The following GNPTAB variants were observed in gnomAD, a reference collection of about 807,000 sequenced individuals.
GNPTAB encodes N-acetylglucosamine-1-phosphotransferase subunits alpha/beta.
In GNPTAB, 92 loss-of-function variants were observed where a neutral mutation model predicts 136.6. The ratio of observed to expected loss-of-function variants is 0.67; its 90% confidence interval spans 0.57 to 0.80. The LOEUF (loss-of-function observed/expected upper bound fraction) is 0.80, where lower values mean the gene tolerates loss of function less well. Ranked by LOEUF, GNPTAB falls within the 30% of genes least tolerant of loss-of-function variation. GNPTAB has a pLI of 0.00. For synonymous variants in GNPTAB, 512 were observed against 535.1 expected, an observed-to-expected ratio of 0.96 and a Z score of 0.60; for missense variants, 1,343 against 1,501.8, an observed-to-expected ratio of 0.89 and a Z score of 1.75.
chr12:101,788,495 A>G (rs1868796959), intron 4 of GNPTAB, 53 bp downstream of exon 4: 1 of 1,028,278 alleles, frequency 9.7e-7, no homozygotes, highest in Non-Finnish European at 1.5e-6. Context: ...ATAATCTGAA[A>G]TTTCACTTCA....
intron 1 of GNPTAB, among the ~76,000 whole-genome samples, chr12:101,819,140 T>C (rs1481897769): frequency 6.6e-6 from 1 of 152,042 alleles, no homozygotes; most frequent in Non-Finnish European, 1.5e-5. Flanking sequence ...GCCTCCCAAG[T>C]ATCTGGGATT....
chr12:101,828,389 G>A lies in GNPTAB; in HGVS notation c.117+2170C>T, dbSNP rs114161689. On this transcript the variant is annotated intron_variant, in intron 1 of 20. Coordinates refer to ENST00000299314, the MANE Select transcript of GNPTAB (RefSeq NM_024312.5). ...GTGCTCAAGAGCACAGCTTAGGCTG[G>A]TCGTGGTGGCTCACGCCTGTAATCC... is the stretch of plus-strand genomic sequence containing the variant. Among the ~76,000 whole-genome samples, 284 of 152,340 alleles carry A rather than the reference G, an allele frequency of 1.9e-3. 2 individuals carry two copies. Among genetic ancestry groups the A allele is most frequent in the African/African-American group, 6.5e-3 (272 of 41,572 alleles).
intron 1 of GNPTAB, among the ~76,000 whole-genome samples, chr12:101,821,149 C>T (rs952575176): frequency 1.5e-4 from 23 of 151,934 alleles, no homozygotes; most frequent in African/African-American, 4.8e-4. Context: ...CACAACGATG[C>T]TCTATTTCTT....
chr12:101,795,728 G>C (rs1174568463), intron 2 of GNPTAB: 7 of 151,580 alleles, frequency 4.6e-5, no homozygotes, highest in Non-Finnish European at 1.0e-4. Flanking sequence ...GCTCCAGCCT[G>C]GGCAAGAGTG....
chr12:101,816,012 G>A lies in GNPTAB; in HGVS notation c.117+14547C>T, dbSNP rs552777785. 5.9e-5 allele frequency among the ~76,000 whole-genome samples: 9 copies of A among 152,246 alleles called. No individual in the cohort carries two copies. In the South Asian group the frequency reaches 1.2e-3, roughly 21 times the overall value. The stretch of plus-strand genomic sequence containing the variant: ...TTTCCATATGCAGAAGAATGAAACT[G>A]GACCCCTACCTCTCACCACATACAA... On this transcript the variant is annotated intron_variant, in intron 1 of 20. Coordinates refer to ENST00000299314, the MANE Select transcript of GNPTAB (RefSeq NM_024312.5).
intron 1 of GNPTAB, among the ~76,000 whole-genome samples, chr12:101,811,971 G>A (rs1028152740): frequency 6.6e-6 from 1 of 150,912 alleles, no homozygotes; most frequent in Non-Finnish European, 1.5e-5. Context: ...CAGATCTCAG[G>A]CAGGGCGTGG....
intron 1 of GNPTAB, among the ~76,000 whole-genome samples, chr12:101,801,060 C>T (rs2137164243): frequency 6.6e-6 from 1 of 150,778 alleles, no homozygotes; most frequent in South Asian, 2.1e-4. Flanking sequence ...ATAGTGAGAC[C>T]TCATCTCTAC....
chr12:101,791,038 G>C (rs1456860145), intron 2 of GNPTAB, among the ~76,000 whole-genome samples: 1 of 152,172 alleles, frequency 6.6e-6, no homozygotes, highest in African/African-American at 2.4e-5. Flanking sequence ...GCAATGAGAA[G>C]AGTGCCTGGC....
Position 101,764,851 on chromosome 12 carries a change from G to T in GNPTAB, c.2066C>A (p.Ala689Asp). Reference protein sequence around the residue: ...KRHDVNSTRRAQEEVKIPLVN... With the variant: ...KRHDVNSTRRDQEEVKIPLVN... Reference sequence around the variant, plus strand: ...CAGGGGAATTTTCACCTCTTCCTGGGCTCTCCTTGTTGAGTTAACATCATG... The same window carrying T: ...CAGGGGAATTTTCACCTCTTCCTGGTCTCTCCTTGTTGAGTTAACATCATG... The change falls in exon 13 of 21, where the codon GCC becomes GAC. Residue 689 changes from alanine (A) to aspartate (D), a missense_variant. Coordinates refer to ENST00000299314, the MANE Select transcript of GNPTAB (RefSeq NM_024312.5). 2 of 1,614,070 alleles carry T rather than the reference G, an allele frequency of 1.2e-6. No homozygotes were observed. The highest frequency in any genetic ancestry group is 3.3e-4 in the Middle Eastern group (2 of 6,062).
chr12:101,790,486 C>G (rs1029979901), intron 2 of GNPTAB, among the ~76,000 whole-genome samples: 2 of 152,208 alleles, frequency 1.3e-5, no homozygotes, highest in Non-Finnish European at 2.9e-5. Context: ...AAATTACAGG[C>G]TCTGCACAGT....
At chr12:101,793,639 A>G (rs1369866417) in intron 2 of GNPTAB, among the ~76,000 whole-genome samples, 1 of 152,176 alleles carries the variant, frequency 6.6e-6, no homozygotes, top group Admixed American at 6.5e-5. Flanking sequence ...GAAGGAATGC[A>G]TTATCTTGGA....
chr12:101,760,554 T>C (rs1191582902), intron 15 of GNPTAB, among the ~76,000 whole-genome samples: 1 of 152,138 alleles, frequency 6.6e-6, no homozygotes, highest in African/African-American at 2.4e-5. Flanking sequence ...AAGAATCTCA[T>C]ATGCAGGTAT....
At chr12:101,768,387 A>G (rs1356472267) in intron 10 of GNPTAB, among the ~76,000 whole-genome samples, 1 of 152,160 alleles carries the variant, frequency 6.6e-6, no homozygotes, top group Non-Finnish European at 1.5e-5. Flanking sequence ...CTTTTTTTCC[A>G]TTACTCAAGG....
At chr12:101,825,179 T>C (rs1184668696) in intron 1 of GNPTAB, among the ~76,000 whole-genome samples, 1 of 152,230 alleles carries the variant, frequency 6.6e-6, no homozygotes. Flanking sequence ...CATACATACA[T>C]CTTGGCCTCA....
intron 2 of GNPTAB, among the ~76,000 whole-genome samples, chr12:101,795,004 C>T (rs1019592521): frequency 6.6e-6 from 1 of 152,156 alleles, no homozygotes; most frequent in African/African-American, 2.4e-5. Flanking sequence ...ACCATCTGCA[C>T]GTGGCACAGC....
chr12:101,751,085 T>TA (rs545501124), intron 19 of GNPTAB, among the ~76,000 whole-genome samples: 133 of 149,880 alleles, frequency 8.9e-4, no homozygotes, highest in African/African-American at 2.8e-3. Context: ...GACAAACATC[T>TA]AAAAAAAAAA....
chr12:101,797,930 A>C (rs1302516789), intron 1 of GNPTAB, among the ~76,000 whole-genome samples: 4 of 152,042 alleles, frequency 2.6e-5, no homozygotes, highest in Non-Finnish European at 4.4e-5. Context: ...TTTTCCTTTC[A>C]GTAGGATTAT....
chr12:101,766,119 AC>A lies in GNPTAB; in HGVS notation c.1583del (p.Cys528LeufsTer19). ...FCDQACNVLS[C>X]GFDAGDCGQD... is the part of the protein sequence containing the mutation. The stretch of plus-strand genomic sequence containing the variant: ...GCCCACAGTCGCCAGCATCAAACCC[AC>A]AGGACAAGACATTGCATGCTTGGTC... On this transcript the variant is annotated frameshift_variant, in exon 12 of 21. Coordinates refer to ENST00000299314, the MANE Select transcript of GNPTAB (RefSeq NM_024312.5). LOFTEE classifies it high-confidence loss of function. 1 of 1,614,138 alleles carries A rather than the reference AC, an allele frequency of 6.2e-7. No individual in the cohort carries two copies.
intron 11 of GNPTAB, among the ~76,000 whole-genome samples, chr12:101,767,348 G>T (rs561901899): frequency 6.6e-6 from 1 of 152,332 alleles, no homozygotes; most frequent in Admixed American, 6.5e-5. Flanking sequence ...GGAGAGGGAA[G>T]AGCTGCTGAG....
Sources: gnomAD v4.1 joint callset for allele counts (sites outside exome capture counted in the v4.1 genomes callset) on GRCh38, gnomAD v4.1.1 for gene constraint, MANE v1.5 for transcripts, NCBI Gene and HGNC (gene_info 2026-07-23, HGNC 2026-07-21) for gene names.